ZRANB1: variants seen among roughly 807,000 people sequenced by gnomAD.
The protein encoded by ZRANB1 is ubiquitin thioesterase ZRANB1.
In ZRANB1, 16 loss-of-function variants were observed where a neutral mutation model predicts 80.5. The observed-to-expected ratio is 0.20, with a 90% CI of 0.13 to 0.30. The LOEUF is 0.30. Ranked by LOEUF, ZRANB1 falls within the 10% of genes least tolerant of loss-of-function variation. ZRANB1 has a pLI of 1.00. For missense variants in ZRANB1, 576 were observed against 862.6 expected, an observed-to-expected ratio of 0.67 and a Z score of 4.16; for synonymous variants, 291 against 293.1, an observed-to-expected ratio of 0.99 and a Z score of 0.07.
intron 5 of ZRANB1, among the ~76,000 whole-genome samples, chr10:124,981,113 T>G (rs1349301764): frequency 6.6e-6 from 1 of 152,256 alleles, no homozygotes; most frequent in East Asian, 1.9e-4. Flanking sequence ...TGAATTTTTA[T>G]ATTTGATAGA....
At chr10:124,932,590 A>G in the ZRANB1 span, among the ~76,000 whole-genome samples, 68 of 151,504 alleles carry the variant, frequency 4.5e-4, no homozygotes, top group African/African-American at 1.6e-3. Flanking sequence ...AATTCCCACC[A>G]GCAATGAATG....
At chr10:124,926,451 G>A in the ZRANB1 span, among the ~76,000 whole-genome samples, 1 of 152,230 alleles carries the variant, frequency 6.6e-6, no homozygotes, top group Admixed American at 6.5e-5. Context: ...TAGGACACAC[G>A]TTAGCTTAGG....
chr10:124,982,884 C>G (rs1164811335), intron 6 of ZRANB1, among the ~76,000 whole-genome samples: 1 of 152,202 alleles, frequency 6.6e-6, no homozygotes, highest in Non-Finnish European at 1.5e-5. Flanking sequence ...ATCTGAATCT[C>G]TGGTTCCTGA....
At chr10:124,946,915 G>GT (rs1232556815) in intron 1 of ZRANB1, among the ~76,000 whole-genome samples, 2 of 152,060 alleles carry the variant, frequency 1.3e-5, no homozygotes, top group African/African-American at 2.4e-5. Context: ...GATGTTAAGT[G>GT]TTTTTTAAAA....
chr10:124,945,101 TA>T (rs1330195342), intron 1 of ZRANB1: 5 of 152,228 alleles, frequency 3.3e-5, no homozygotes, highest in Non-Finnish European at 7.3e-5. Context: ...TGATTTAACA[TA>T]AAAATTCACC....
chr10:124,937,807 T>A (rs1258180906), upstream of ZRANB1, among the ~76,000 whole-genome samples: 4 of 152,246 alleles, frequency 2.6e-5, no homozygotes, highest in Non-Finnish European at 4.4e-5. Flanking sequence ...TTAGAGACAT[T>A]ATTCATTCTA....
chr10:124,927,772 C>A, the ZRANB1 span, among the ~76,000 whole-genome samples: 1 of 152,160 alleles, frequency 6.6e-6, no homozygotes, highest in Non-Finnish European at 1.5e-5. Context: ...CGCGGTGGGT[C>A]ATTCCTGTAA....
rs1446010703 is a variant in ZRANB1, at chr10:124,942,790, A to G, written c.297A>G (p.Pro99=). The G allele has an allele frequency of 6.2e-7, 1 of 1,614,222 alleles. No homozygotes were observed. Among genetic ancestry groups the G allele is most frequent in the Non-Finnish European group, 8.5e-7 (1 of 1,180,036 alleles). Residue 99 remains proline, a synonymous_variant, in exon 1 of 9, where the codon CCA becomes CCG. Coordinates refer to ENST00000359653, the MANE Select transcript of ZRANB1 (RefSeq NM_017580.3). Reference sequence around the variant, plus strand: ...ACATGTGTACATATTTGAACTGGCCAAGAGCAATCAGATGTACCCAGTGCT... The same window carrying G: ...ACATGTGTACATATTTGAACTGGCCGAGAGCAATCAGATGTACCCAGTGCT... The part of the protein sequence containing the change: ...SCHMCTYLNW[P]RAIRCTQCLS...
chr10:124,964,590 T>A (rs1951762582), intron 1 of ZRANB1, among the ~76,000 whole-genome samples: 1 of 152,248 alleles, frequency 6.6e-6, no homozygotes, highest in African/African-American at 2.4e-5. Context: ...CATACATGCA[T>A]ACACGTATAT....
upstream of ZRANB1, among the ~76,000 whole-genome samples, chr10:124,938,828 T>G (rs923843517): frequency 2.6e-5 from 4 of 151,950 alleles, no homozygotes; most frequent in Non-Finnish European, 5.9e-5. Context: ...TTCCTTGGCC[T>G]CCTGAGTAGC....
At chr10:124,961,208 G>A (rs1951731430) in intron 1 of ZRANB1, among the ~76,000 whole-genome samples, 1 of 151,980 alleles carries the variant, frequency 6.6e-6, no homozygotes, top group Non-Finnish European at 1.5e-5. Flanking sequence ...GTTTCACCAT[G>A]TTGGCCAGAC....
the ZRANB1 span, among the ~76,000 whole-genome samples, chr10:124,929,918 C>T: frequency 7.2e-6 from 1 of 138,756 alleles, no homozygotes; most frequent in South Asian, 2.3e-4. Flanking sequence ...GCACTCCAGC[C>T]TGGGCAACAG....
the ZRANB1 span, among the ~76,000 whole-genome samples, chr10:124,930,121 T>C: frequency 6.6e-6 from 1 of 152,156 alleles, no homozygotes; most frequent in Non-Finnish European, 1.5e-5. Context: ...AGCCCTCCAC[T>C]TAAAGATAGG....
intron 1 of ZRANB1, among the ~76,000 whole-genome samples, chr10:124,965,949 T>C (rs963924580): frequency 6.6e-6 from 1 of 152,210 alleles, no homozygotes; most frequent in African/African-American, 2.4e-5. Context: ...TGTAATGTTT[T>C]ATTTTAGCGT....
chr10:124,947,451 T>C (rs917829400), intron 1 of ZRANB1, among the ~76,000 whole-genome samples: 2 of 152,170 alleles, frequency 1.3e-5, no homozygotes, highest in African/African-American at 4.8e-5. Context: ...CCTTATGAAA[T>C]TGCACTTCAA....
the ZRANB1 span, among the ~76,000 whole-genome samples, chr10:124,917,650 C>G: frequency 6.6e-6 from 1 of 152,222 alleles, no homozygotes; most frequent in Non-Finnish European, 1.5e-5. Flanking sequence ...GCCGTAAACA[C>G]TTGGGTCCAT....
chr10:124,984,031 G>A (rs1241996183), intron 8 of ZRANB1, among the ~76,000 whole-genome samples: 1 of 152,106 alleles, frequency 6.6e-6, no homozygotes, highest in African/African-American at 2.4e-5. Flanking sequence ...AAGCAACAGG[G>A]AAAGAGAGAG....
chr10:124,986,501 G>GT lies in ZRANB1; in HGVS notation c.*1510dup, dbSNP rs1307021607. 1.3e-5 allele frequency: 2 copies of GT among 152,146 alleles called. No homozygotes were observed. The highest frequency in any genetic ancestry group is 2.9e-5 in the Non-Finnish European group (2 of 68,026). 9.4% of individuals were successfully genotyped at this position (152,146 alleles called of 1,614,324 possible). A position where few individuals can be genotyped will look rare whatever the true frequency, so the allele number is the denominator to read the frequency against. The stretch of plus-strand genomic sequence containing the variant: ...TTAGTTCTTTCCCCCCGAAAACTCA[G>GT]TAAAAAGGTGTTCCCAGGATGAAAA... On this transcript the variant is annotated 3_prime_UTR_variant, in exon 9 of 9. Coordinates refer to ENST00000359653, the MANE Select transcript of ZRANB1 (RefSeq NM_017580.3).
rs368087512 is a variant in ZRANB1, at chr10:124,983,345, C to T, written c.1678+41C>T. On this transcript the variant is annotated intron_variant, in intron 7 of 8. Transcript: ENST00000359653. This position sits in a 1 kb window ranked among gnomAD's most constrained non-coding sequence, Gnocchi z 6.2. ...GGAACGTTTTACAAGTTTCTTTGAA[C>T]GGAATGGCTCAGATGTCAGGAAGGA... 48 of 1,608,272 alleles carry T rather than the reference C, an allele frequency of 3.0e-5. No homozygotes were observed. In the East Asian group the frequency reaches 8.0e-4, roughly 27 times the overall value.
Sources: allele counts gnomAD v4.1 joint callset (sites outside exome capture counted in the v4.1 genomes callset), GRCh38; gene constraint gnomAD v4.1.1; non-coding constraint Gnocchi (gnomAD v3.1); transcripts MANE v1.5; gene names NCBI Gene and HGNC (gene_info 2026-07-23, HGNC 2026-07-21).